Variants in NEK10 observed in about 807,000 individuals in gnomAD.
The protein encoded by NEK10 is NIMA related kinase 10, also known as serine/threonine-protein kinase Nek10.
A neutral mutation model predicts 159.8 loss-of-function variants in NEK10; 122 were observed. That is an observed-to-expected ratio of 0.76 (90% CI 0.66 to 0.89). NEK10 has a LOEUF of 0.89. Among genes scored for constraint, NEK10 ranks in the 40% least tolerant of loss-of-function variants. The pLI is 0.00. For missense variants in NEK10, 1,342 were observed against 1,323.1 expected, an observed-to-expected ratio of 1.01 and a Z score of -0.22; for synonymous variants, 466 against 457.1, an observed-to-expected ratio of 1.02 and a Z score of -0.25.
intron 23 of NEK10, among the ~76,000 whole-genome samples, chr3:27,241,264 C>T (rs192263912): frequency 4.3e-4 from 66 of 152,302 alleles, no homozygotes; most frequent in Non-Finnish European, 7.5e-4. Context: ...AACCATATCT[C>T]TGTTGTGACA....
chr3:27,216,179 GAGAAAGAAAAGAAAC>G (rs1486268214), intron 23 of NEK10, among the ~76,000 whole-genome samples: 1 of 152,142 alleles, frequency 6.6e-6, no homozygotes, highest in Non-Finnish European at 1.5e-5. Flanking sequence ...TGGGGTCATT[GAGAAAGAAAAGAAAC>G]AGAAAGAAAA....
At chr3:27,268,567 T>A (rs1032167646) in intron 22 of NEK10, among the ~76,000 whole-genome samples, 5 of 152,230 alleles carry the variant, frequency 3.3e-5, no homozygotes, top group African/African-American at 4.8e-5. Flanking sequence ...AGTCCTTCTA[T>A]TTGCAGCATG....
At chr3:27,286,385 C>T (rs956396479) in intron 20 of NEK10, among the ~76,000 whole-genome samples, 2 of 147,484 alleles carry the variant, frequency 1.4e-5, no homozygotes, top group Admixed American at 6.8e-5. Context: ...CGCGCCCAGC[C>T]TTTTTTTTTC....
chr3:27,107,192 AAAC>A lies in NEK10; in HGVS notation c.*4077_*4079del, dbSNP rs1486966953. ...TAGGGTACGTGATCTTCATTTTTAA[AAAC>A]AACTATTGCCCATGAACTCAGAAAA... On this transcript the variant is annotated 3_prime_UTR_variant, in exon 36 of 36. Transcript: ENST00000691995. Among the ~76,000 whole-genome samples the A allele has an allele frequency of 6.6e-6, 1 of 152,126 alleles. No homozygotes were observed. The highest frequency in any genetic ancestry group is 2.4e-5 in the African/African-American group (1 of 41,424).
At chr3:27,281,076 A>G (rs1056655773) in intron 22 of NEK10, among the ~76,000 whole-genome samples, 1 of 152,092 alleles carries the variant, frequency 6.6e-6, no homozygotes, top group South Asian at 2.1e-4. Flanking sequence ...TAAGACAAAA[A>G]TTTTTGAAAT....
intron 33 of NEK10, among the ~76,000 whole-genome samples, chr3:27,117,103 T>C (rs1198677770): frequency 1.3e-5 from 2 of 152,170 alleles, no homozygotes; most frequent in African/African-American, 4.8e-5. Flanking sequence ...CCGTGTTAGT[T>C]TGCTGAGGAT....
intron 29 of NEK10, among the ~76,000 whole-genome samples, chr3:27,166,777 T>C (rs147913447): frequency 3.9e-4 from 59 of 152,140 alleles, no homozygotes; most frequent in African/African-American, 1.3e-3. Flanking sequence ...CTGGTCAACA[T>C]GGTGAAACCC....
intron 3 of NEK10, 149 bp from the exon 4 acceptor site, chr3:27,346,365 G>T: frequency 1.2e-6 from 1 of 812,032 alleles, no homozygotes; most frequent in Non-Finnish European, 2.0e-6. Flanking sequence ...GGTTTTCCAA[G>T]ATTCAAATCA....
At chr3:27,273,351 G>A (rs2041521003) in intron 22 of NEK10, among the ~76,000 whole-genome samples, 1 of 152,150 alleles carries the variant, frequency 6.6e-6, no homozygotes, top group African/African-American at 2.4e-5. Flanking sequence ...CTTCCTCTGA[G>A]AGAATAGTAG....
At chr3:27,182,170 T>C (rs1246419952) in intron 26 of NEK10, among the ~76,000 whole-genome samples, 1 of 152,182 alleles carries the variant, frequency 6.6e-6, no homozygotes, top group Non-Finnish European at 1.5e-5. Context: ...ACTGTATTCT[T>C]GAAAAATACT....
intron 23 of NEK10, chr3:27,253,023 T>TA (rs1955822893): frequency 7.5e-6 from 3 of 399,584 alleles, no homozygotes; most frequent in Non-Finnish European, 1.5e-5. Flanking sequence ...ATAATTTTTT[T>TA]AAAAATTTAA....
chr3:27,211,261 G>A (rs1386038374), intron 23 of NEK10, among the ~76,000 whole-genome samples: 1 of 152,092 alleles, frequency 6.6e-6, no homozygotes, highest in Non-Finnish European at 1.5e-5. Flanking sequence ...CAAGTGCCAT[G>A]AAAAATACTA....
intron 20 of NEK10, among the ~76,000 whole-genome samples, chr3:27,287,062 T>C (rs1488946547): frequency 2.6e-5 from 4 of 151,892 alleles, no homozygotes; most frequent in Non-Finnish European, 4.4e-5. Context: ...TGGAGATTTA[T>C]TTCGACATTT....
At chr3:27,172,464 T>G (rs1347567422) in intron 28 of NEK10, among the ~76,000 whole-genome samples, 2 of 151,988 alleles carry the variant, frequency 1.3e-5, no homozygotes, top group Non-Finnish European at 2.9e-5. Flanking sequence ...AGAAGGGAAG[T>G]TAGTATATCA....
intron 31 of NEK10, among the ~76,000 whole-genome samples, chr3:27,137,930 T>A (rs1943385320): frequency 6.6e-6 from 1 of 152,206 alleles, no homozygotes; most frequent in East Asian, 1.9e-4. Flanking sequence ...AGTGTGTCAG[T>A]AAGCAGCCTG....
intron 14 of NEK10, among the ~76,000 whole-genome samples, chr3:27,296,163 A>AGCCACTTTTCTATTATC (rs2043340454): frequency 6.6e-6 from 1 of 152,120 alleles, no homozygotes; most frequent in Non-Finnish European, 1.5e-5. Flanking sequence ...GAATGAACAA[A>AGCCACTTTTCTATTATC]TAATAATACC....
At chr3:27,255,830 G>A (rs374757114) in intron 23 of NEK10, among the ~76,000 whole-genome samples, 7 of 152,116 alleles carry the variant, frequency 4.6e-5, no homozygotes, top group Admixed American at 1.3e-4. Flanking sequence ...TTTATTCAGT[G>A]CCTATTATTT....
At chr3:27,172,763 G>A (rs1351353842) in intron 28 of NEK10, among the ~76,000 whole-genome samples, 4 of 151,830 alleles carry the variant, frequency 2.6e-5, no homozygotes, top group African/African-American at 9.7e-5. Flanking sequence ...TTATATATCA[G>A]AAAAAATTTT....
intron 22 of NEK10, among the ~76,000 whole-genome samples, chr3:27,262,151 A>T (rs1170681398): frequency 6.6e-6 from 1 of 152,110 alleles, no homozygotes; most frequent in Non-Finnish European, 1.5e-5. Flanking sequence ...AGAATGTTGA[A>T]TATTGGCCCC....
Sources: allele counts gnomAD v4.1 joint callset (sites outside exome capture counted in the v4.1 genomes callset), GRCh38; gene constraint gnomAD v4.1.1; transcripts MANE v1.5; gene names NCBI Gene and HGNC (gene_info 2026-07-23, HGNC 2026-07-21).